The following SORCS2 variants were observed in gnomAD, a reference collection of about 807,000 sequenced individuals.
SORCS2 encodes the protein VPS10 domain-containing receptor SorCS2.
A neutral mutation model predicts 141.6 loss-of-function variants in SORCS2; 100 were observed. The ratio of observed to expected loss-of-function variants is 0.71; its 90% confidence interval spans 0.60 to 0.83. The LOEUF is 0.83. Ranked by LOEUF, SORCS2 falls within the 40% of genes least tolerant of loss-of-function variation. The pLI is 0.00. For synonymous variants in SORCS2, 789 were observed against 676.9 expected (o/e 1.17, Z -2.57); for missense variants, 1,646 against 1,560.2 (o/e 1.05, Z -0.93).
At chr4:7,297,063 T>G (rs1253793329) in intron 1 of SORCS2, among the ~76,000 whole-genome samples, 1 of 151,318 alleles carries the variant, frequency 6.6e-6, no homozygotes, top group East Asian at 2.0e-4. Context: ...CAAGACTCAG[T>G]TGACCTCTCT....
At chr4:7,525,962 T>TG (rs71175413) in intron 2 of SORCS2, among the ~76,000 whole-genome samples, 1,204 of 82,802 alleles carry the variant, frequency 0.015, 109 homozygotes, top group African/African-American at 0.026. Flanking sequence ...TGTCCCCTTC[T>TG]CAGTCACCTG....
chr4:7,335,744 G>T (rs1223087518), intron 1 of SORCS2, among the ~76,000 whole-genome samples: 1 of 152,256 alleles, frequency 6.6e-6, no homozygotes, highest in African/African-American at 2.4e-5. Context: ...AGCTCAAGGA[G>T]GTTGAAAGAC....
intron 26 of SORCS2, among the ~76,000 whole-genome samples, chr4:7,737,946 G>T (rs1205317896): frequency 6.6e-6 from 1 of 152,202 alleles, no homozygotes; most frequent in African/African-American, 2.4e-5. Context: ...CCTGCACATG[G>T]TCTCGCTGTG....
At chr4:7,196,493 T>G (rs1727172949) in intron 1 of SORCS2, among the ~76,000 whole-genome samples, 1 of 152,194 alleles carries the variant, frequency 6.6e-6, no homozygotes, top group Admixed American at 6.5e-5. Flanking sequence ...ACAAGGCACT[T>G]GATCCTCAAC....
At chr4:7,532,069 T>G (rs1711704211) in intron 3 of SORCS2, among the ~76,000 whole-genome samples, 1 of 152,216 alleles carries the variant, frequency 6.6e-6, no homozygotes, top group Admixed American at 6.5e-5. Flanking sequence ...CTCCTTGCTG[T>G]TTCCTGGGTC....
intron 1 of SORCS2, among the ~76,000 whole-genome samples, chr4:7,270,362 C>T (rs1211045936): frequency 4.6e-5 from 7 of 152,248 alleles, no homozygotes; most frequent in African/African-American, 1.7e-4. Flanking sequence ...TTCACCCTTG[C>T]AGGGGGAGCT....
intron 1 of SORCS2, among the ~76,000 whole-genome samples, chr4:7,300,282 G>T (rs1049901523): frequency 6.6e-6 from 1 of 152,154 alleles, no homozygotes; most frequent in African/African-American, 2.4e-5. Context: ...CTCGGGGATG[G>T]GGTGGGAAGT....
intron 1 of SORCS2, among the ~76,000 whole-genome samples, chr4:7,294,765 TCCTCCC>T (rs1228242741): frequency 1.4e-4 from 2 of 13,868 alleles, no homozygotes; most frequent in Non-Finnish European, 2.5e-4. Context: ...CCCAGCTCCC[TCCTCCC>T]CCTCCCCCTC....
intron 3 of SORCS2, among the ~76,000 whole-genome samples, chr4:7,550,348 G>A (rs940344067): frequency 6.6e-5 from 10 of 152,168 alleles, no homozygotes; most frequent in Non-Finnish European, 1.5e-4. Context: ...GCCATCTGCA[G>A]AGGACAACAC....
At chr4:7,262,962 C>T (rs1456172874) in intron 1 of SORCS2, among the ~76,000 whole-genome samples, 1 of 152,206 alleles carries the variant, frequency 6.6e-6, no homozygotes, top group Admixed American at 6.5e-5. Flanking sequence ...GGGAGTCCTA[C>T]GACTGAGGTC....
intron 1 of SORCS2, among the ~76,000 whole-genome samples, chr4:7,256,189 G>C (rs960318284): frequency 6.6e-6 from 1 of 152,150 alleles, no homozygotes; most frequent in Non-Finnish European, 1.5e-5. Flanking sequence ...GCAGGGAGAG[G>C]CTCTTGAGAG....
At chr4:7,540,240 C>G (rs2109581901) in intron 3 of SORCS2, among the ~76,000 whole-genome samples, 1 of 149,538 alleles carries the variant, frequency 6.7e-6, no homozygotes, top group Admixed American at 6.6e-5. Flanking sequence ...GCCCCTGCCT[C>G]TCCTTCCTGC....
chr4:7,381,120 A>G (rs1385902764), intron 1 of SORCS2, among the ~76,000 whole-genome samples: 1 of 150,734 alleles, frequency 6.6e-6, no homozygotes, highest in Non-Finnish European at 1.5e-5. Flanking sequence ...ATTAACAATG[A>G]CAGCTTCATG....
At chr4:7,467,448 C>T (rs1229010011) in intron 2 of SORCS2, among the ~76,000 whole-genome samples, 1 of 152,196 alleles carries the variant, frequency 6.6e-6, no homozygotes, top group Non-Finnish European at 1.5e-5. Context: ...ACCTTGTCCT[C>T]ACAGCTCTCA....
At chr4:7,641,760 T>TGATGGATGGATGGATAAATGGATG (rs1553897682) in intron 4 of SORCS2, among the ~76,000 whole-genome samples, 20 of 146,400 alleles carry the variant, frequency 1.4e-4, no homozygotes, top group Admixed American at 1.3e-3. Flanking sequence ...GATGTATAGA[T>TGATGGATGGATGGATAAATGGATG]GATGGATGGA....
chr4:7,422,909 C>A lies in SORCS2; in HGVS notation c.548+26554C>A, dbSNP rs553918842. Among the ~76,000 whole-genome samples, 15 of 152,326 alleles carry A rather than the reference C, an allele frequency of 9.8e-5. No homozygotes were observed. The South Asian group carries it at 2.9e-3, about 29-fold the overall frequency. ...TCCATGCAGCCTCCAGGGCACCCCG[C>A]GGGGATCCGCAGACCACGGCCCCTC... On this transcript the variant is annotated intron_variant, in intron 2 of 26. Transcript: ENST00000507866.
At chr4:7,729,778 AC>A in intron 23 of SORCS2, 66 bp downstream of exon 23, 3 of 1,554,166 alleles carry the variant, frequency 1.9e-6, no homozygotes, top group Non-Finnish European at 2.6e-6. Flanking sequence ...GTCATTTACA[AC>A]AAGCAGGGAC....
chr4:7,285,758 A>C (rs1052198365), intron 1 of SORCS2, among the ~76,000 whole-genome samples: 6 of 152,248 alleles, frequency 3.9e-5, no homozygotes, highest in Admixed American at 1.3e-4. Context: ...GGGCCAAGGC[A>C]GATCCCCGTT....
At chr4:7,539,971 G>T (rs867740725) in intron 3 of SORCS2, among the ~76,000 whole-genome samples, 13 of 97,924 alleles carry the variant, frequency 1.3e-4, no homozygotes, top group African/African-American at 2.1e-4. Context: ...TGATGGCACC[G>T]CCCCTTCCTG....
Sources: allele counts gnomAD v4.1 joint callset (sites outside exome capture counted in the v4.1 genomes callset), GRCh38; gene constraint gnomAD v4.1.1; transcripts MANE v1.5; gene names NCBI Gene and HGNC (gene_info 2026-07-23, HGNC 2026-07-21).